The following ZNF385D variants were observed in gnomAD, a reference collection of about 807,000 sequenced individuals.
The protein encoded by ZNF385D is zinc finger protein 385D.
A neutral mutation model predicts 35.8 loss-of-function variants in ZNF385D; 15 were observed. That is an observed-to-expected ratio of 0.42 (90% CI 0.28 to 0.64). ZNF385D has a LOEUF of 0.64. Ranked by LOEUF, ZNF385D falls within the 30% of genes least tolerant of loss-of-function variation. The probability of loss-of-function intolerance (pLI) is 0.23; values close to 1 mark genes in which losing one functional copy is unlikely to be tolerated. For synonymous variants in ZNF385D, 212 were observed against 186.8 expected, an observed-to-expected ratio of 1.13 and a Z score of -1.10; for missense variants, 474 against 494.6, an observed-to-expected ratio of 0.96 and a Z score of 0.39.
rs140064248 is a variant in ZNF385D, at chr3:21,597,804, G to A, written c.166-33120C>T. Among the ~76,000 whole-genome samples, 493 of 152,234 alleles carry A rather than the reference G, an allele frequency of 3.2e-3. 5 individuals are homozygous for A. Among genetic ancestry groups the A allele is most frequent in the African/African-American group, 0.011 (469 of 41,556 alleles). On this transcript the variant is annotated intron_variant, in intron 2 of 7. Transcript: ENST00000281523. The stretch of plus-strand genomic sequence containing the variant: ...AAACATCTTGAGTATAATTTTGAAT[G>A]GGTGGAAAATGGCATCATGGACAGT...
chr3:22,308,921 T>A (rs1390352260), intron 2 of ZNF385D, among the ~76,000 whole-genome samples: 1 of 152,090 alleles, frequency 6.6e-6, no homozygotes, highest in Non-Finnish European at 1.5e-5. Flanking sequence ...TTTGAAAAAT[T>A]TGCTTTATAA....
chr3:22,255,851 T>G (rs1418074553), intron 2 of ZNF385D, among the ~76,000 whole-genome samples: 5 of 151,418 alleles, frequency 3.3e-5, no homozygotes, highest in Admixed American at 1.3e-4. Flanking sequence ...TAATACTGAG[T>G]GTCAAGTTGA....
rs1159950305 is a variant in ZNF385D at position 21,663,915 on chromosome 3, A to ATATATATATATATATATATATT, written c.165+970_165+971insAATATATATATATATATATATA. 4.5e-3 allele frequency among the ~76,000 whole-genome samples: 471 copies of ATATATATATATATATATATATT among 105,554 alleles called. 2 individuals are homozygous for ATATATATATATATATATATATT. The highest frequency in any genetic ancestry group is 8.6e-3 in the African/African-American group (227 of 26,460). The allele number at this position is 105,554 out of a possible 152,430, so 69.2% of individuals were successfully genotyped here. A position where few individuals can be genotyped will look rare whatever the true frequency, so the allele number is the denominator to read the frequency against. ...AATATATATATATATATATATATAT[A>ATATATATATATATATATATATT]TATTTATTTATTTAAATCCATCATG... On this transcript the variant is annotated intron_variant, in intron 2 of 7. Transcript: ENST00000281523.
intron 3 of ZNF385D, among the ~76,000 whole-genome samples, chr3:21,979,229 C>A (rs149517600): frequency 6.6e-6 from 1 of 151,898 alleles, no homozygotes; most frequent in East Asian, 1.9e-4. Flanking sequence ...TTGTTATTGC[C>A]CTGTATAACT....
At chr3:22,118,929 G>A (rs1918460) in intron 3 of ZNF385D, among the ~76,000 whole-genome samples, 29,091 of 151,898 alleles carry the variant, frequency 0.19, 3,055 homozygotes, top group East Asian at 0.39. Context: ...TAACATTATC[G>A]ACCAGACTGA....
chr3:22,254,653 A>G (rs1196366542), intron 2 of ZNF385D, among the ~76,000 whole-genome samples: 1 of 151,900 alleles, frequency 6.6e-6, no homozygotes, highest in Admixed American at 6.6e-5. Context: ...TCCTATACAT[A>G]CATAACTATG....
chr3:22,084,707 G>A (rs568087627), intron 3 of ZNF385D, among the ~76,000 whole-genome samples: 11 of 152,154 alleles, frequency 7.2e-5, no homozygotes, highest in Non-Finnish European at 1.2e-4. Flanking sequence ...ACTTGAACTC[G>A]GCTCTGCACC....
chr3:21,906,506 C>T (rs1045695019), intron 3 of ZNF385D, among the ~76,000 whole-genome samples: 2 of 152,158 alleles, frequency 1.3e-5, no homozygotes, highest in African/African-American at 4.8e-5. Flanking sequence ...GGAGAACTTT[C>T]AGGATGGATC....
intron 3 of ZNF385D, among the ~76,000 whole-genome samples, chr3:22,048,603 T>C (rs923694009): frequency 1.3e-5 from 2 of 152,214 alleles, no homozygotes; most frequent in Non-Finnish European, 2.9e-5. Context: ...TATTGGCCTA[T>C]GTGTCTGTTT....
At chr3:22,184,291 C>A (rs1283844113) in intron 2 of ZNF385D, among the ~76,000 whole-genome samples, 1 of 152,120 alleles carries the variant, frequency 6.6e-6, no homozygotes, top group Non-Finnish European at 1.5e-5. Flanking sequence ...TTCATGGAAC[C>A]ATTATTGACG....
At chr3:22,240,761 G>A (rs1411173787) in intron 2 of ZNF385D, among the ~76,000 whole-genome samples, 1 of 150,958 alleles carries the variant, frequency 6.6e-6, no homozygotes, top group Non-Finnish European at 1.5e-5. Flanking sequence ...ACTTGTATAT[G>A]TCTCCAGACT....
At chr3:22,025,474 C>T (rs1309553845) in intron 3 of ZNF385D, among the ~76,000 whole-genome samples, 3 of 152,012 alleles carry the variant, frequency 2.0e-5, no homozygotes, top group Admixed American at 6.6e-5. Context: ...GGAGAACAGG[C>T]ATGGGAATGG....
At chr3:21,874,198 A>G (rs1697842724) in intron 3 of ZNF385D, among the ~76,000 whole-genome samples, 1 of 151,934 alleles carries the variant, frequency 6.6e-6, no homozygotes, top group African/African-American at 2.4e-5. Context: ...CCATCCTAAC[A>G]AGTGTAAACA....
chr3:21,615,244 T>C (rs561019211), intron 2 of ZNF385D, among the ~76,000 whole-genome samples: 70 of 152,196 alleles, frequency 4.6e-4, no homozygotes, highest in African/African-American at 1.7e-3. Flanking sequence ...ATCCTCTCGC[T>C]CTCTTGCTTC....
At chr3:22,327,977 TATG>T (rs1694756567) in intron 2 of ZNF385D, among the ~76,000 whole-genome samples, 1 of 152,212 alleles carries the variant, frequency 6.6e-6, no homozygotes, top group Non-Finnish European at 1.5e-5. Flanking sequence ...GCGCCTAATA[TATG>T]ATAAGCGCTC....
At chr3:22,336,938 C>A (rs868762662) in intron 2 of ZNF385D, among the ~76,000 whole-genome samples, 52 of 8,014 alleles carry the variant, frequency 6.5e-3, no homozygotes, top group Middle Eastern at 0.1. Flanking sequence ...AAAAAAAAAA[C>A]CCTTACTGTT....
intron 3 of ZNF385D, among the ~76,000 whole-genome samples, chr3:21,999,851 C>T (rs1219007064): frequency 6.6e-6 from 1 of 151,572 alleles, no homozygotes; most frequent in Non-Finnish European, 1.5e-5. Flanking sequence ...CATAAAATGA[C>T]CACATATTCT....
chr3:21,830,129 AT>A lies in ZNF385D; in HGVS notation c.326-165102del, dbSNP rs1411717760. 7.9e-5 allele frequency among the ~76,000 whole-genome samples: 12 copies of A among 152,022 alleles called. No homozygotes were observed. In the South Asian group the frequency reaches 2.1e-3, roughly 26 times the overall value. On this transcript the variant is annotated intron_variant, in intron 3 of 5. Transcript: ENST00000494108. ...ACAGAGTGACACTCTGTCAAAAAAA[AT>A]AAAAGAGGCATTTTAGAGTTATCTA...
At chr3:22,044,758 C>A (rs1470045837) in intron 3 of ZNF385D, among the ~76,000 whole-genome samples, 1 of 151,982 alleles carries the variant, frequency 6.6e-6, no homozygotes, top group Non-Finnish European at 1.5e-5. Context: ...TGGTGGGAGT[C>A]TTTTCTTCCA....
Sources: allele counts gnomAD v4.1 joint callset (sites outside exome capture counted in the v4.1 genomes callset), GRCh38; gene constraint gnomAD v4.1.1; transcripts MANE v1.5; gene names NCBI Gene and HGNC (gene_info 2026-07-23, HGNC 2026-07-21).